The following UBR3 variants were observed in gnomAD, a reference collection of about 807,000 sequenced individuals.
UBR3 encodes the protein E3 ubiquitin-protein ligase UBR3.
Under a neutral mutation model 243.2 loss-of-function variants are expected in UBR3, and 85 were observed. That is an observed-to-expected ratio of 0.35 (90% CI 0.29 to 0.42). The LOEUF is 0.42. Ranked by LOEUF, UBR3 falls within the 10% of genes least tolerant of loss-of-function variation. The pLI is 1.00. For missense variants in UBR3, 1,686 were observed against 2,300.8 expected, an observed-to-expected ratio of 0.73 and a Z score of 5.47; for synonymous variants, 748 against 799.8, an observed-to-expected ratio of 0.94 and a Z score of 1.09.
chr2:169,850,690 AAAAATTAGCCGGGCG>A (rs1225540417), intron 1 of UBR3, among the ~76,000 whole-genome samples: 1 of 151,974 alleles, frequency 6.6e-6, no homozygotes, highest in East Asian at 1.9e-4. Flanking sequence ...TAAAAATACA[AAAAATTAGCCGGGCG>A]TGGTGGTGGG....
intron 32 of UBR3, among the ~76,000 whole-genome samples, chr2:170,045,638 T>C (rs2091065510): frequency 6.6e-6 from 1 of 152,190 alleles, no homozygotes; most frequent in Non-Finnish European, 1.5e-5. Context: ...TGCTTTGTTA[T>C]AAACCAAGGG....
At chr2:169,920,295 G>A (rs547361874) in intron 11 of UBR3, among the ~76,000 whole-genome samples, 60 of 152,106 alleles carry the variant, frequency 3.9e-4, no homozygotes, top group African/African-American at 1.4e-3. Flanking sequence ...GAAGGGGAAC[G>A]TCACACACCA....
Position 169,881,949 on chromosome 2 carries a change from T to G in UBR3, c.1038+3375T>G, listed in dbSNP as rs2083871768. ...TGTATACATATAATATAATTACATA[T>G]GTATGTATACATACATATGTAATTA... On this transcript the variant is annotated intron_variant, in intron 5 of 38. Transcript: ENST00000272793. Among the ~76,000 whole-genome samples the G allele has an allele frequency of 2.7e-5, 3 of 112,192 alleles. No homozygotes were observed. The Admixed American group carries it at 2.9e-4, about 11-fold the overall frequency. 73.6% of individuals were successfully genotyped at this position (112,192 alleles called of 152,430 possible).
At chr2:170,058,006 T>G (rs950593590) in intron 33 of UBR3, among the ~76,000 whole-genome samples, 6 of 152,184 alleles carry the variant, frequency 3.9e-5, no homozygotes, top group Non-Finnish European at 7.4e-5. Context: ...AACTTGAGGA[T>G]CTATGGATTT....
intron 5 of UBR3, among the ~76,000 whole-genome samples, chr2:169,885,352 C>T (rs370295810): frequency 9.2e-5 from 14 of 151,984 alleles, no homozygotes; most frequent in African/African-American, 3.1e-4. Context: ...GAGGCCGAGG[C>T]GGGCGGATCA....
intron 1 of UBR3, among the ~76,000 whole-genome samples, chr2:169,838,420 TG>T (rs1246680865): frequency 6.0e-5 from 9 of 149,856 alleles, no homozygotes; most frequent in Non-Finnish European, 1.2e-4. Flanking sequence ...TGTGTGTGTG[TG>T]TGTGTGTGTG....
intron 30 of UBR3, among the ~76,000 whole-genome samples, chr2:170,028,412 A>G (rs911197377): frequency 6.6e-6 from 1 of 151,840 alleles, no homozygotes; most frequent in Non-Finnish European, 1.5e-5. Flanking sequence ...AAAATAAGTA[A>G]CAATAATAGG....
At chr2:169,980,380 G>A (rs1047638193) in intron 24 of UBR3, among the ~76,000 whole-genome samples, 6 of 152,154 alleles carry the variant, frequency 3.9e-5, no homozygotes, top group African/African-American at 7.2e-5. Flanking sequence ...GTACAGACAC[G>A]TAGTCCCTTC....
At chr2:170,058,360 G>T (rs559092180) in intron 33 of UBR3, among the ~76,000 whole-genome samples, 9 of 152,168 alleles carry the variant, frequency 5.9e-5, no homozygotes, top group Admixed American at 5.2e-4. Flanking sequence ...TTGATAATGA[G>T]ATTTAGTTCT....
intron 14 of UBR3, 31 bp from the exon 15 acceptor site, chr2:169,926,661 G>T (rs1395471003): frequency 1.3e-6 from 2 of 1,509,566 alleles, no homozygotes; most frequent in South Asian, 1.3e-5. Context: ...ACTGAATATT[G>T]AGAAATAAAG....
intron 32 of UBR3, among the ~76,000 whole-genome samples, chr2:170,045,607 A>C (rs989619275): frequency 2.0e-5 from 3 of 152,216 alleles, no homozygotes; most frequent in African/African-American, 7.2e-5. Flanking sequence ...ATTGACTTGA[A>C]GAAAGAAAAT....
intron 24 of UBR3, among the ~76,000 whole-genome samples, chr2:169,962,773 T>G (rs1437616043): frequency 6.6e-6 from 1 of 152,166 alleles, no homozygotes; most frequent in Non-Finnish European, 1.5e-5. Context: ...TCTGTTTTTC[T>G]AAATTATCCT....
intron 35 of UBR3, among the ~76,000 whole-genome samples, chr2:170,065,487 C>G (rs1420968880): frequency 1.3e-5 from 2 of 152,128 alleles, no homozygotes; most frequent in African/African-American, 4.8e-5. Context: ...CAGGATTTCA[C>G]CATGTTGGTC....
At chr2:170,011,650 C>T (rs1005854613) in intron 29 of UBR3, among the ~76,000 whole-genome samples, 3 of 133,060 alleles carry the variant, frequency 2.3e-5, no homozygotes, top group South Asian at 4.7e-4. Flanking sequence ...TTTTGTAAGA[C>T]AGTACATGTC....
chr2:169,865,664 T>G (rs2083233488), intron 1 of UBR3, among the ~76,000 whole-genome samples: 1 of 152,226 alleles, frequency 6.6e-6, no homozygotes, highest in African/African-American at 2.4e-5. Context: ...CTTTCTGCTT[T>G]CCAGCTCTCA....
At chr2:169,892,158 G>T (rs749268915) in intron 6 of UBR3, among the ~76,000 whole-genome samples, 18 of 152,180 alleles carry the variant, frequency 1.2e-4, no homozygotes, top group Admixed American at 2.0e-4. Flanking sequence ...TAACTTGGGG[G>T]TTGCTAGGAA....
intron 32 of UBR3, among the ~76,000 whole-genome samples, chr2:170,053,769 G>C (rs916575247): frequency 6.6e-6 from 1 of 152,198 alleles, no homozygotes; most frequent in Non-Finnish European, 1.5e-5. Flanking sequence ...AAGAATATCT[G>C]CAAGTTTTTG....
At chr2:170,046,273 A>G (rs1374148707) in intron 32 of UBR3, among the ~76,000 whole-genome samples, 3 of 152,128 alleles carry the variant, frequency 2.0e-5, no homozygotes, top group Non-Finnish European at 4.4e-5. Context: ...CCTGTAAATT[A>G]TTTTTAAATA....
intron 1 of UBR3, among the ~76,000 whole-genome samples, chr2:169,850,474 C>G (rs766868136): frequency 6.6e-6 from 1 of 152,164 alleles, no homozygotes; most frequent in Non-Finnish European, 1.5e-5. Context: ...CCACCGCACC[C>G]GGCCTGCTCT....
Sources: allele counts gnomAD v4.1 joint callset (sites outside exome capture counted in the v4.1 genomes callset), GRCh38; gene constraint gnomAD v4.1.1; transcripts MANE v1.5; gene names NCBI Gene and HGNC (gene_info 2026-07-23, HGNC 2026-07-21).